Variants in ADGRE2 observed in about 807,000 individuals in gnomAD.
ADGRE2 encodes the protein CD97 antigen.
A neutral mutation model predicts 100.8 loss-of-function variants in ADGRE2; 83 were observed. The observed-to-expected ratio is 0.82, with a 90% confidence interval of 0.69 to 0.99. The LOEUF is 0.99. ADGRE2 is among the 50% of genes least tolerant of loss of function. ADGRE2 has a pLI of 0.00. For missense variants in ADGRE2, 814 were observed against 1,035.7 expected (o/e 0.79, Z 2.94); for synonymous variants, 355 against 413.0 (o/e 0.86, Z 1.70).
intron 13 of ADGRE2, 39 bp from the exon 14 acceptor site, chr19:14,755,166 G>A: frequency 6.3e-7 from 1 of 1,595,476 alleles, no homozygotes; most frequent in Non-Finnish European, 8.6e-7. Flanking sequence ...GGGCATGGTG[G>A]CTCACGCCTG....
At chr19:14,746,373 C>CTATT in intron 17 of ADGRE2, 50 bp from the exon 18 acceptor site, 1 of 940,994 alleles carries the variant, frequency 1.1e-6, no homozygotes, top group African/African-American at 2.5e-5. Context: ...AACCTGTTAT[C>CTATT]TCTTTTTTTT....
At chr19:14,731,248 T>C, downstream of ADGRE2, 1 of 1,470,404 alleles carries the variant, frequency 6.8e-7, no homozygotes, top group Non-Finnish European at 9.2e-7. Context: ...ATCCAACCTC[T>C]GGATATCAAA....
At position 14,755,131 on chromosome 19, in the gene ADGRE2, C is replaced by T. The variant is rs756244434; in HGVS notation, c.1417-4G>A. The T allele has an allele frequency of 1.9e-6, 3 of 1,613,376 alleles. No individual in the cohort carries two copies. The highest frequency in any genetic ancestry group is 1.7e-6 in the Non-Finnish European group (2 of 1,179,608). On this transcript the variant is annotated splice_region_variant and splice_polypyrimidine_tract_variant and intron_variant, in intron 13 of 20. Transcript: ENST00000315576. ...CCTTCTGTCTCGGGATCACTGACTG[C>T]AGGAACAGAACACAGGTGTGGGCTG...
At chr19:14,773,564 T>G (rs1416362803) in intron 4 of ADGRE2, among the ~76,000 whole-genome samples, 4 of 151,184 alleles carry the variant, frequency 2.6e-5, no homozygotes, top group Non-Finnish European at 5.9e-5. Context: ...CAGGCTAGAG[T>G]GCAATGGTGC....
chr19:14,763,681 T>TCTTCTCCTCCTCTTCTC (rs2043816676), intron 11 of ADGRE2, among the ~76,000 whole-genome samples: 1 of 82,926 alleles, frequency 1.2e-5, no homozygotes, highest in Non-Finnish European at 2.6e-5. Context: ...CTCCTCCTTC[T>TCTTCTCCTCCTCTTCTC]CTTCTCCTCC....
chr19:14,763,170 C>T (rs1470651069), intron 11 of ADGRE2, among the ~76,000 whole-genome samples: 2 of 151,834 alleles, frequency 1.3e-5, no homozygotes, highest in African/African-American at 2.4e-5. Context: ...GGTGCAACCC[C>T]GTCTCTACTA....
downstream of ADGRE2, among the ~76,000 whole-genome samples, chr19:14,728,881 C>T (rs2524365): frequency 0.36 from 54,648 of 152,048 alleles, 10,078 homozygotes; most frequent in Middle Eastern, 0.5. Flanking sequence ...ATATCCTTAA[C>T]GCAATCCCTG....
At chr19:14,740,826 T>A (rs893448160) in intron 20 of ADGRE2, among the ~76,000 whole-genome samples, 5 of 152,102 alleles carry the variant, frequency 3.3e-5, no homozygotes, top group Non-Finnish European at 7.4e-5. Context: ...GGCCTTGAAC[T>A]CCTGGGCTCA....
At chr19:14,728,984 G>C (rs577395701), downstream of ADGRE2, among the ~76,000 whole-genome samples, 11 of 152,320 alleles carry the variant, frequency 7.2e-5, no homozygotes, top group African/African-American at 2.4e-4. Flanking sequence ...AAAGAAGGGG[G>C]AAGGGGACGT....
intron 3 of ADGRE2, 56 bp from the exon 4 acceptor site, chr19:14,774,110 G>C: frequency 6.5e-7 from 1 of 1,536,588 alleles, no homozygotes; most frequent in Non-Finnish European, 9.0e-7. Flanking sequence ...ACACAAAAAG[G>C]GGGCACTGGG....
At chr19:14,741,145 A>G (rs2042917971) in intron 20 of ADGRE2, among the ~76,000 whole-genome samples, 1 of 134,404 alleles carries the variant, frequency 7.4e-6, no homozygotes, top group African/African-American at 3.0e-5. Context: ...AGGGTGGAGT[A>G]CAGTGGCATG....
chr19:14,729,125 A>G (rs2042651913), downstream of ADGRE2, among the ~76,000 whole-genome samples: 1 of 152,132 alleles, frequency 6.6e-6, no homozygotes, highest in Non-Finnish European at 1.5e-5. Context: ...GGCTGTTTAT[A>G]GTAACTTGGG....
intron 18 of ADGRE2, among the ~76,000 whole-genome samples, chr19:14,744,479 G>A (rs1337769885): frequency 6.6e-6 from 1 of 151,890 alleles, no homozygotes; most frequent in African/African-American, 2.4e-5. Context: ...TTTTTGAGAT[G>A]GAATCTCCCT....
At chr19:14,764,239 T>A (rs1022541834) in intron 11 of ADGRE2, among the ~76,000 whole-genome samples, 194 bp downstream of exon 11, 6 of 3,888 alleles carry the variant, frequency 1.5e-3, no homozygotes, top group African/African-American at 8.1e-3. Context: ...TTAAAAGATT[T>A]TTTTTTTTTT....
chr19:14,765,460 G>T, intron 9 of ADGRE2, 63 bp from the exon 10 acceptor site: 1 of 1,613,106 alleles, frequency 6.2e-7, no homozygotes, highest in Non-Finnish European at 8.5e-7. Context: ...TTTAGAACAA[G>T]GAGACGGATG....
intron 20 of ADGRE2, among the ~76,000 whole-genome samples, chr19:14,740,658 G>A (rs1040918270): frequency 6.6e-6 from 1 of 151,486 alleles, no homozygotes; most frequent in Non-Finnish European, 1.5e-5. Flanking sequence ...AAAGGAAAAA[G>A]GTAATGAGAG....
chr19:14,761,396 ACT>A (rs1250097893), intron 11 of ADGRE2, among the ~76,000 whole-genome samples: 2 of 152,028 alleles, frequency 1.3e-5, no homozygotes, highest in South Asian at 2.1e-4. Context: ...ACAGAGCAAG[ACT>A]CTGTCTCCAA....
intron 5 of ADGRE2, among the ~76,000 whole-genome samples, chr19:14,769,902 G>A (rs965848054): frequency 6.6e-6 from 1 of 152,110 alleles, no homozygotes; most frequent in African/African-American, 2.4e-5. Context: ...GTTTCACCAT[G>A]TTAGCCAGGA....
intron 5 of ADGRE2, among the ~76,000 whole-genome samples, chr19:14,769,977 C>A (rs2044137682): frequency 6.6e-6 from 1 of 152,204 alleles, no homozygotes; most frequent in African/African-American, 2.4e-5. Context: ...GGATTACAGG[C>A]ATGAGCCACT....
Sources: gnomAD v4.1 joint callset for allele counts (sites outside exome capture counted in the v4.1 genomes callset) on GRCh38, gnomAD v4.1.1 for gene constraint, MANE v1.5 for transcripts, NCBI Gene and HGNC (gene_info 2026-07-23, HGNC 2026-07-21) for gene names.